Variants in TENM2 observed in about 807,000 individuals in gnomAD.
TENM2 encodes teneurin-2.
Under a neutral mutation model 245.2 loss-of-function variants are expected in TENM2, and 52 were observed. That is an observed-to-expected ratio of 0.21 (90% CI 0.17 to 0.27). The LOEUF (loss-of-function observed/expected upper bound fraction) is 0.27, where lower values mean the gene tolerates loss of function less well. Among genes scored for constraint, TENM2 ranks in the 10% least tolerant of loss-of-function variants. TENM2 has a pLI of 1.00. For synonymous variants in TENM2, 1,363 were observed against 1,438.9 expected, an observed-to-expected ratio of 0.95 and a Z score of 1.19; for missense variants, 3,046 against 3,666.8, an observed-to-expected ratio of 0.83 and a Z score of 4.37.
intron 3 of TENM2, among the ~76,000 whole-genome samples, chr5:167,910,082 T>G (rs560635543): frequency 6.6e-6 from 1 of 152,270 alleles, no homozygotes; most frequent in Non-Finnish European, 1.5e-5. Flanking sequence ...GATGTGTAAT[T>G]TATCTATCTA....
At chr5:167,591,407 A>G (rs182864699) in intron 2 of TENM2, among the ~76,000 whole-genome samples, 14 of 152,308 alleles carry the variant, frequency 9.2e-5, no homozygotes, top group Admixed American at 3.9e-4. Flanking sequence ...TATATAATCT[A>G]TTACTCAACC....
At chr5:167,852,440 C>G (rs898190665) in intron 2 of TENM2, among the ~76,000 whole-genome samples, 1 of 152,186 alleles carries the variant, frequency 6.6e-6, no homozygotes, top group African/African-American at 2.4e-5. Context: ...GGAATCTAAT[C>G]TCCCCAAAAG....
chr5:168,037,510 A>G (rs1787813724), intron 5 of TENM2, among the ~76,000 whole-genome samples: 1 of 149,460 alleles, frequency 6.7e-6, no homozygotes, highest in African/African-American at 2.5e-5. Context: ...AATTTAATGA[A>G]TTTAGGATCA....
chr5:167,468,953 G>A (rs1766839964), intron 2 of TENM2, among the ~76,000 whole-genome samples: 1 of 152,230 alleles, frequency 6.6e-6, no homozygotes, highest in Non-Finnish European at 1.5e-5. Flanking sequence ...TTCAAATGAT[G>A]CCACTTGTAA....
At chr5:167,438,452 C>T (rs1299265597) in intron 2 of TENM2, among the ~76,000 whole-genome samples, 2 of 152,174 alleles carry the variant, frequency 1.3e-5, no homozygotes, top group African/African-American at 2.4e-5. Flanking sequence ...AGTGCAGTGG[C>T]GCCATCTCGG....
At chr5:167,480,009 C>T (rs754124756) in intron 2 of TENM2, among the ~76,000 whole-genome samples, 5 of 152,148 alleles carry the variant, frequency 3.3e-5, no homozygotes, top group Non-Finnish European at 7.4e-5. Flanking sequence ...TTTATAAAGG[C>T]GTCTAAGGCA....
At chr5:166,986,667 C>T in the TENM2 span, among the ~76,000 whole-genome samples, 3 of 152,208 alleles carry the variant, frequency 2.0e-5, no homozygotes, top group South Asian at 6.2e-4. Flanking sequence ...TGGAAGCTGT[C>T]CTCTAGGAAT....
chr5:167,150,725 A>G, the TENM2 span, among the ~76,000 whole-genome samples: 7 of 152,208 alleles, frequency 4.6e-5, no homozygotes, highest in Non-Finnish European at 1.0e-4. Context: ...TCTAACCCAC[A>G]TAGTTTAGAT....
At chr5:168,238,320 C>T (rs1765797426) in intron 25 of TENM2, among the ~76,000 whole-genome samples, 1 of 132,856 alleles carries the variant, frequency 7.5e-6, no homozygotes, top group African/African-American at 2.9e-5. Flanking sequence ...AGAAGACTGA[C>T]CCGGAAAGAA....
rs542746101 is a variant in TENM2 at position 167,597,081 on chromosome 5, C to G, written c.502+221608C>G. 7.9e-4 allele frequency among the ~76,000 whole-genome samples: 120 copies of G among 152,058 alleles called. No individual in the cohort carries two copies. In the South Asian group the frequency reaches 0.023, roughly 30 times the overall value. On this transcript the variant is annotated intron_variant, in intron 2 of 28. Transcript: ENST00000518659. ...TGGAGTTATGATGATTTCTCCTGGC[C>G]CAAATACTGACACTAGGACAAGAGT...
intron 5 of TENM2, among the ~76,000 whole-genome samples, chr5:168,027,189 CT>C (rs1260740505): frequency 3.3e-5 from 5 of 152,086 alleles, no homozygotes; most frequent in Admixed American, 1.3e-4. Context: ...CCCACTGAGA[CT>C]TGACTCCCGA....
intron 2 of TENM2, among the ~76,000 whole-genome samples, chr5:167,764,482 CAAG>C (rs1266645467): frequency 6.6e-6 from 1 of 152,166 alleles, no homozygotes; most frequent in Admixed American, 6.5e-5. Flanking sequence ...CATAGCTTCT[CAAG>C]AAGGAGACCT....
At chr5:167,078,484 A>AAACAACAACAACAAC in the TENM2 span, among the ~76,000 whole-genome samples, 1 of 54,804 alleles carries the variant, frequency 1.8e-5, no homozygotes, top group Non-Finnish European at 4.4e-5. Context: ...ACTCTGTCTC[A>AAACAACAACAACAAC]AACAACAACA....
At chr5:168,056,882 C>T (rs913347202) in intron 6 of TENM2, among the ~76,000 whole-genome samples, 3 of 152,074 alleles carry the variant, frequency 2.0e-5, no homozygotes, top group South Asian at 2.1e-4. Context: ...ACATGCTGTA[C>T]ATGTTTGTAA....
intron 2 of TENM2, among the ~76,000 whole-genome samples, chr5:167,549,345 A>C (rs1018154500): frequency 1.3e-5 from 2 of 152,206 alleles, no homozygotes; most frequent in Non-Finnish European, 1.5e-5. Flanking sequence ...AATAAAATGT[A>C]CTGGCTCCAA....
intron 3 of TENM2, among the ~76,000 whole-genome samples, chr5:167,894,991 A>G (rs1397841603): frequency 2.9e-5 from 3 of 104,062 alleles, no homozygotes; most frequent in Non-Finnish European, 5.4e-5. Context: ...GGAAGGAAGG[A>G]GGGAAGGAAG....
intron 2 of TENM2, among the ~76,000 whole-genome samples, chr5:167,816,665 T>A (rs781027118): frequency 6.6e-6 from 1 of 151,884 alleles, no homozygotes; most frequent in African/African-American, 2.4e-5. Flanking sequence ...AGAAATTGAG[T>A]GAGAACTTCC....
At chr5:167,926,763 C>CAA (rs1491510536) in intron 3 of TENM2, among the ~76,000 whole-genome samples, 3 of 145,020 alleles carry the variant, frequency 2.1e-5, no homozygotes, top group African/African-American at 8.0e-5. Context: ...CACACACACA[C>CAA]AAGACCTTAG....
chr5:167,205,841 G>A, the TENM2 span, among the ~76,000 whole-genome samples: 1 of 152,056 alleles, frequency 6.6e-6, no homozygotes, highest in East Asian at 1.9e-4. Context: ...AGTGGCTGGT[G>A]GAATTTAGTT....
Sources: gnomAD v4.1 joint callset for allele counts (sites outside exome capture counted in the v4.1 genomes callset) on GRCh38, gnomAD v4.1.1 for gene constraint, MANE v1.5 for transcripts, NCBI Gene and HGNC (gene_info 2026-07-23, HGNC 2026-07-21) for gene names.